The following C2CD5 variants were observed in gnomAD, a reference collection of about 807,000 sequenced individuals.
C2CD5 encodes C2 calcium dependent domain containing 5, also known as C2 domain-containing protein 5.
A neutral mutation model predicts 130.3 loss-of-function variants in C2CD5; 109 were observed. That is an observed-to-expected ratio of 0.84 (90% CI 0.72 to 0.98). C2CD5 has a LOEUF of 0.98. Ranked by LOEUF, C2CD5 falls within the 50% of genes least tolerant of loss-of-function variation. C2CD5 has a pLI of 0.00. For synonymous variants in C2CD5, 454 were observed against 429.2 expected, an observed-to-expected ratio of 1.06 and a Z score of -0.71; for missense variants, 996 against 1,261.8, an observed-to-expected ratio of 0.79 and a Z score of 3.19.
At position 22,472,824 on chromosome 12, in the gene C2CD5, A is replaced by C; in HGVS notation, c.2044-17T>G. On this transcript the variant is annotated splice_polypyrimidine_tract_variant and intron_variant, in intron 16 of 26. Transcript: ENST00000446597. ...GTCATCAATCTTAAAATAGAGATTAAAACTATTTTATAAGTAGTAAATGCA... is the reference window on the plus strand; with the variant it reads ...GTCATCAATCTTAAAATAGAGATTACAACTATTTTATAAGTAGTAAATGCA... 7.3e-7 allele frequency: 1 copy of C among 1,361,822 alleles called. No individual in the cohort carries two copies. 84.4% of individuals were successfully genotyped at this position (1,361,822 alleles called of 1,614,324 possible). A position where few individuals can be genotyped will look rare whatever the true frequency, so the allele number is the denominator to read the frequency against.
intron 5 of C2CD5, among the ~76,000 whole-genome samples, chr12:22,525,236 C>T (rs1026792406): frequency 6.6e-6 from 1 of 152,166 alleles, no homozygotes; most frequent in Non-Finnish European, 1.5e-5. Flanking sequence ...GGGCTGTGAT[C>T]ACCAAGATCT....
chr12:22,470,969 T>C, intron 20 of C2CD5, 58 bp from the exon 21 acceptor site: 2 of 1,250,526 alleles, frequency 1.6e-6, no homozygotes, highest in Non-Finnish European at 2.3e-6. Context: ...ACTAAGTTTC[T>C]TACATATTTT....
intron 23 of C2CD5, among the ~76,000 whole-genome samples, chr12:22,459,273 G>A (rs1173617010): frequency 2.0e-5 from 3 of 151,812 alleles, no homozygotes; most frequent in Non-Finnish European, 4.4e-5. Context: ...AAAATTTTAT[G>A]CTTAGAAACT....
intron 3 of C2CD5, among the ~76,000 whole-genome samples, chr12:22,532,359 TTC>T (rs1442944078): frequency 6.6e-6 from 1 of 151,948 alleles, no homozygotes; most frequent in Non-Finnish European, 1.5e-5. Flanking sequence ...ACATATATTA[TTC>T]TCTTTTTTTT....
At chr12:22,490,780 A>G (rs985658102) in intron 11 of C2CD5, among the ~76,000 whole-genome samples, 41 of 152,280 alleles carry the variant, frequency 2.7e-4, no homozygotes, top group African/African-American at 8.9e-4. Flanking sequence ...ATAATTTTTA[A>G]ATTATTATAT....
At chr12:22,531,751 C>A (rs745427388) in intron 3 of C2CD5, among the ~76,000 whole-genome samples, 1 of 152,038 alleles carries the variant, frequency 6.6e-6, no homozygotes, top group Non-Finnish European at 1.5e-5. Context: ...CTGATGAGGT[C>A]GTAATTTTGA....
Position 22,454,569 on chromosome 12 carries a change from A to AT in C2CD5, c.2878-528dup, listed in dbSNP as rs5796959. ...CACATGTTGCTCCTGCAGACTTTTC[A>AT]TTTTTTTTTTTTTTTTCAGAGAACA... On this transcript the variant is annotated intron_variant, in intron 25 of 26. Transcript: ENST00000446597. Among the ~76,000 whole-genome samples, 183 of 135,714 alleles carry AT rather than the reference A, an allele frequency of 1.3e-3. 2 individuals are homozygous for AT. The East Asian group carries it at 0.022, about 16-fold the overall frequency. The allele number at this position is 135,714 out of a possible 152,430, so 89.0% of individuals were successfully genotyped here.
chr12:22,456,424 C>T (rs1478046867), intron 25 of C2CD5, among the ~76,000 whole-genome samples: 2 of 152,078 alleles, frequency 1.3e-5, no homozygotes, highest in Non-Finnish European at 2.9e-5. Flanking sequence ...TTTCCCACAT[C>T]AAGTAAAATA....
intron 13 of C2CD5, among the ~76,000 whole-genome samples, chr12:22,483,424 A>C (rs1945014530): frequency 6.6e-6 from 1 of 152,142 alleles, no homozygotes; most frequent in Admixed American, 6.6e-5. Context: ...AATTAGACTA[A>C]TAGATTATTT....
Position 22,474,742 on chromosome 12 carries a change from C to A in C2CD5, c.2043+9G>T. On this transcript the variant is annotated intron_variant, in intron 16 of 26. Coordinates refer to ENST00000446597, the MANE Select transcript of C2CD5 (RefSeq NM_001286176.2). ...AAACCTTTAAGAAATTAGTCCAATGCCACATTACCTCCAAAACAAAAGCAT... is the reference window on the plus strand; with the variant it reads ...AAACCTTTAAGAAATTAGTCCAATGACACATTACCTCCAAAACAAAAGCAT... 3 of 1,585,606 alleles carry A rather than the reference C, an allele frequency of 1.9e-6. No homozygotes were observed. The highest frequency in any genetic ancestry group is 2.6e-6 in the Non-Finnish European group (3 of 1,167,670).
intron 10 of C2CD5, among the ~76,000 whole-genome samples, chr12:22,506,065 A>G (rs1948492452): frequency 6.6e-6 from 1 of 150,802 alleles, no homozygotes; most frequent in African/African-American, 2.4e-5. Context: ...AAGTTACACA[A>G]TGAGCTCTAA....
At chr12:22,540,213 C>A (rs768932334) in intron 2 of C2CD5, among the ~76,000 whole-genome samples, 4 of 152,192 alleles carry the variant, frequency 2.6e-5, no homozygotes, top group Non-Finnish European at 4.4e-5. Flanking sequence ...AACTGTCTCA[C>A]TCTGTTTGAG....
chr12:22,478,979 T>C (rs1024859247), intron 14 of C2CD5, among the ~76,000 whole-genome samples: 1 of 152,176 alleles, frequency 6.6e-6, no homozygotes, highest in African/African-American at 2.4e-5. Context: ...AGCGTTGGTT[T>C]CTTTTGGGGA....
At chr12:22,457,875 T>C (rs1466851278) in intron 24 of C2CD5, among the ~76,000 whole-genome samples, 1 of 152,230 alleles carries the variant, frequency 6.6e-6, no homozygotes, top group South Asian at 2.1e-4. Context: ...TCATAGCTAT[T>C]AAAATGGCAC....
Position 22,467,430 on chromosome 12 carries a change from C to T in C2CD5, c.2533+2279G>A, listed in dbSNP as rs545302391. On this transcript the variant is annotated intron_variant, in intron 22 of 26. Transcript: ENST00000446597. ...CTACGATTACAGATATGAGTCACCG[C>T]GCCCAGCTGAACACACTTAAATTAA... Among the ~76,000 whole-genome samples, 5 of 152,230 alleles carry T rather than the reference C, an allele frequency of 3.3e-5. No homozygotes were observed. In the South Asian group the frequency reaches 8.3e-4, roughly 25 times the overall value.
chr12:22,533,469 G>A (rs562958917), intron 3 of C2CD5, among the ~76,000 whole-genome samples: 8 of 152,258 alleles, frequency 5.3e-5, no homozygotes, highest in African/African-American at 1.9e-4. Flanking sequence ...TAATCTCCTG[G>A]AGGATTGGGG....
At chr12:22,478,505 A>C in intron 14 of C2CD5, 28 bp from the exon 15 acceptor site, 1 of 1,588,124 alleles carries the variant, frequency 6.3e-7, no homozygotes. Context: ...GGAAATAATC[A>C]GAAAAAATAT....
At chr12:22,458,635 G>T in intron 23 of C2CD5, 50 bp from the exon 24 acceptor site, 1 of 750,316 alleles carries the variant, frequency 1.3e-6, no homozygotes, top group Non-Finnish European at 1.8e-6. Context: ...AAAAAATATG[G>T]ATGATGTCTC....
intron 2 of C2CD5, among the ~76,000 whole-genome samples, chr12:22,543,456 T>C (rs1952607431): frequency 6.6e-6 from 1 of 152,256 alleles, no homozygotes; most frequent in Admixed American, 6.5e-5. Flanking sequence ...AGTTGTGTTT[T>C]AGAACGTGCA....
Sources: gnomAD v4.1 joint callset for allele counts (sites outside exome capture counted in the v4.1 genomes callset) on GRCh38, gnomAD v4.1.1 for gene constraint, MANE v1.5 for transcripts, NCBI Gene and HGNC (gene_info 2026-07-23, HGNC 2026-07-21) for gene names.